ADARB2: variants seen among roughly 807,000 people sequenced by gnomAD.
The protein encoded by ADARB2 is adenosine deaminase RNA specific B2 (inactive).
ADARB2 carries 25 observed loss-of-function variants against 62.2 expected under a neutral mutation model. The ratio of observed to expected loss-of-function variants is 0.40; its 90% CI spans 0.29 to 0.56. The LOEUF (loss-of-function observed/expected upper bound fraction) is 0.56, where lower values mean the gene tolerates loss of function less well. ADARB2 is among the 20% of genes least tolerant of loss of function. The pLI is 0.43. For synonymous variants in ADARB2, 572 were observed against 500.8 expected, an observed-to-expected ratio of 1.14 and a Z score of -1.90; for missense variants, 1,071 against 1,077.4, an observed-to-expected ratio of 0.99 and a Z score of 0.08.
chr10:1,524,462 T>A (rs1832115746), intron 1 of ADARB2, among the ~76,000 whole-genome samples: 1 of 152,216 alleles, frequency 6.6e-6, no homozygotes, highest in African/African-American at 2.4e-5. Flanking sequence ...CCTGCTGGCA[T>A]CACAAGTTCC....
intron 1 of ADARB2, among the ~76,000 whole-genome samples, chr10:1,625,962 C>T (rs1200777580): frequency 9.1e-6 from 1 of 109,750 alleles, no homozygotes; most frequent in African/African-American, 3.2e-5. Flanking sequence ...GATGCTAACC[C>T]CACGTCTGCC....
rs75599570 is a variant in ADARB2, at chr10:1,417,359, C to T, written c.101-38199G>A. On this transcript the variant is annotated intron_variant, in intron 1 of 9. Transcript: ENST00000381312. ...AGTATAGACTAGATGGTCAGGAAGT[C>T]GGTCAGGGTAGATGACCAGGGAGTG... 2.9e-3 allele frequency among the ~76,000 whole-genome samples: 448 copies of T among 152,062 alleles called. 2 individuals carry two copies. The highest frequency in any genetic ancestry group is 0.016 in the South Asian group (78 of 4,798).
intron 1 of ADARB2, among the ~76,000 whole-genome samples, chr10:1,715,666 T>C (rs540116224): frequency 1.3e-5 from 2 of 152,286 alleles, no homozygotes; most frequent in South Asian, 4.2e-4. Flanking sequence ...TTCAAGCAGT[T>C]GAAACTAAAC....
intron 1 of ADARB2, among the ~76,000 whole-genome samples, chr10:1,575,765 C>T (rs922824176): frequency 3.3e-5 from 5 of 152,268 alleles, no homozygotes; most frequent in South Asian, 2.1e-4. Flanking sequence ...TCACAGAGAC[C>T]GAGAGAGCCT....
intron 1 of ADARB2, among the ~76,000 whole-genome samples, chr10:1,499,458 TACTC>T (rs1564308974): frequency 1.3e-5 from 2 of 151,908 alleles, no homozygotes; most frequent in African/African-American, 2.4e-5. Flanking sequence ...GCTCACTCAT[TACTC>T]ACTCATCATT....
At chr10:1,271,286 G>A (rs1435200134) in intron 3 of ADARB2, among the ~76,000 whole-genome samples, 1 of 152,206 alleles carries the variant, frequency 6.6e-6, no homozygotes, top group Non-Finnish European at 1.5e-5. Flanking sequence ...GCTTATGAGT[G>A]GTTAACCCCA....
chr10:1,362,036 T>C (rs1207109576), intron 3 of ADARB2, among the ~76,000 whole-genome samples: 1 of 152,214 alleles, frequency 6.6e-6, no homozygotes, highest in Non-Finnish European at 1.5e-5. Context: ...CTTGGCAGGA[T>C]AAGATTGTTT....
Position 1,363,397 on chromosome 10 carries a change from G to A in ADARB2, c.708C>T (p.Leu236=). The change falls in exon 3 of 10, where the codon CTC becomes CTT. Residue 236 remains leucine (L), a synonymous_variant. Transcript: ENST00000381312. The part of the protein sequence containing the change: ...EFEPPAPRPG[L]AGGRPGDAAL... ...CGGCGTCCCCGGGGCGGCCTCCCGC[G>A]AGTCCGGGGCGCGGCGCCGGGGGCT... The A allele has an allele frequency of 1.5e-6, 2 of 1,340,654 alleles. No individual in the cohort carries two copies. Among genetic ancestry groups the A allele is most frequent in the Non-Finnish European group, 1.9e-6 (2 of 1,043,882 alleles). The allele number at this position is 1,340,654 out of a possible 1,614,324, so 83.0% of individuals were successfully genotyped here.
intron 1 of ADARB2, chr10:1,674,948 T>TGCATGGATGTTCTGGAGGTTTGGGTTG (rs1834442686): frequency 1.1e-6 from 1 of 883,706 alleles, no homozygotes; most frequent in Non-Finnish European, 1.3e-6. Context: ...GGTTTGGGTT[T>TGCATGGATGTTCTGGAGGTTTGGGTTG]GGGGGTACAC....
chr10:1,255,559 T>C lies in ADARB2; in HGVS notation c.1193-13260A>G, dbSNP rs1172697815. On this transcript the variant is annotated intron_variant, in intron 4 of 9. Coordinates refer to ENST00000381312, the MANE Select transcript of ADARB2 (RefSeq NM_018702.4). The surrounding 1 kb of genome is among the most constrained non-coding windows in gnomAD (Gnocchi z 4.7). ...CTACAACCCAAAGAGGGTCAGGCCA[T>C]GGACAGGGATGTGACCAGATGTCAG... 1.3e-5 allele frequency among the ~76,000 whole-genome samples: 2 copies of C among 152,228 alleles called. No homozygotes were observed. Among genetic ancestry groups the C allele is most frequent in the Non-Finnish European group, 2.9e-5 (2 of 68,036 alleles).
intron 7 of ADARB2, among the ~76,000 whole-genome samples, chr10:1,211,659 C>T (rs1167216648): frequency 2.0e-5 from 3 of 152,208 alleles, no homozygotes; most frequent in Non-Finnish European, 4.4e-5. Flanking sequence ...GTGTAGCTTT[C>T]CAATTTCCAT....
At chr10:1,290,785 T>A (rs1199475734) in intron 3 of ADARB2, 1 of 152,260 alleles carries the variant, frequency 6.6e-6, no homozygotes, top group Non-Finnish European at 1.5e-5. Flanking sequence ...TAACGGTAGT[T>A]ACTGCTTTAG....
chr10:1,689,500 A>G (rs1834641664), intron 1 of ADARB2, among the ~76,000 whole-genome samples: 1 of 152,174 alleles, frequency 6.6e-6, no homozygotes, highest in Non-Finnish European at 1.5e-5. Flanking sequence ...GGTTCTTTAC[A>G]CACATAGGGG....
intron 1 of ADARB2, among the ~76,000 whole-genome samples, chr10:1,595,910 T>C (rs914905502): frequency 5.3e-5 from 8 of 152,218 alleles, no homozygotes; most frequent in Admixed American, 3.9e-4. Flanking sequence ...AAATGTGCTG[T>C]GTTCCACAGC....
chr10:1,624,855 T>C (rs1397290427), intron 1 of ADARB2, among the ~76,000 whole-genome samples: 1 of 152,146 alleles, frequency 6.6e-6, no homozygotes, highest in Non-Finnish European at 1.5e-5. Flanking sequence ...TGTGAGTGCT[T>C]GAGATTCTTC....
intron 1 of ADARB2, among the ~76,000 whole-genome samples, chr10:1,586,522 C>T (rs1237692206): frequency 1.3e-5 from 2 of 152,170 alleles, no homozygotes; most frequent in South Asian, 4.1e-4. Flanking sequence ...CAACATGGTG[C>T]CAAGGTCAGG....
chr10:1,521,514 C>T (rs1386649594), intron 1 of ADARB2, among the ~76,000 whole-genome samples: 1 of 152,192 alleles, frequency 6.6e-6, no homozygotes, highest in Non-Finnish European at 1.5e-5. Flanking sequence ...GTTGGGAAGT[C>T]GGGGTCAGAC....
At chr10:1,465,142 G>C (rs1376266746) in intron 1 of ADARB2, among the ~76,000 whole-genome samples, 2 of 152,216 alleles carry the variant, frequency 1.3e-5, no homozygotes, top group African/African-American at 4.8e-5. Context: ...GGCGACTGAG[G>C]ACGGCTCCGT....
chr10:1,734,942 TAATC>T (rs1429135675), intron 1 of ADARB2, among the ~76,000 whole-genome samples: 3 of 151,630 alleles, frequency 2.0e-5, no homozygotes, highest in Non-Finnish European at 4.4e-5. Flanking sequence ...ATAGATGAAG[TAATC>T]AATTCCCAGG....
Sources: allele counts gnomAD v4.1 joint callset (sites outside exome capture counted in the v4.1 genomes callset), GRCh38; gene constraint gnomAD v4.1.1; non-coding constraint Gnocchi (gnomAD v3.1); transcripts MANE v1.5; gene names NCBI Gene and HGNC (gene_info 2026-07-23, HGNC 2026-07-21).